LSAMP: variants seen among roughly 807,000 people sequenced by gnomAD.
The protein encoded by LSAMP is limbic system-associated membrane protein.
Under a neutral mutation model 38.6 loss-of-function variants are expected in LSAMP, and 7 were observed. That is an observed-to-expected ratio of 0.18 (90% CI 0.10 to 0.34). The LOEUF is 0.34. Ranked by LOEUF, LSAMP falls within the 10% of genes least tolerant of loss-of-function variation. LSAMP has a pLI of 1.00. For synonymous variants in LSAMP, 154 were observed against 166.8 expected (o/e 0.92, Z 0.59); for missense variants, 313 against 420.0 (o/e 0.75, Z 2.23).
intron 3 of LSAMP, among the ~76,000 whole-genome samples, chr3:116,012,280 T>C (rs1415722799): frequency 6.6e-6 from 1 of 152,234 alleles, no homozygotes; most frequent in Non-Finnish European, 1.5e-5. Context: ...ATTTGTTTGC[T>C]TGTTTATTTT....
chr3:116,329,132 T>A (rs188213861), intron 1 of LSAMP, among the ~76,000 whole-genome samples: 1 of 152,286 alleles, frequency 6.6e-6, no homozygotes, highest in East Asian at 1.9e-4. Flanking sequence ...ATTTAATAGA[T>A]AAATAATAAA....
chr3:115,848,813 T>C (rs938560805), intron 4 of LSAMP, among the ~76,000 whole-genome samples: 2 of 152,128 alleles, frequency 1.3e-5, no homozygotes, highest in Non-Finnish European at 2.9e-5. Flanking sequence ...TGTCAGCTGT[T>C]CAATGGGGCG....
intron 1 of LSAMP, among the ~76,000 whole-genome samples, chr3:116,442,576 G>A (rs1042930080): frequency 3.9e-5 from 6 of 152,274 alleles, no homozygotes; most frequent in Middle Eastern, 3.4e-3. Flanking sequence ...GGTCAGCTAA[G>A]AAGACAAAGG....
chr3:116,056,360 CA>C (rs1160306826), intron 2 of LSAMP, among the ~76,000 whole-genome samples: 11 of 152,096 alleles, frequency 7.2e-5, no homozygotes, highest in African/African-American at 2.7e-4. Flanking sequence ...CTTCTGTGAT[CA>C]AATATAAATG....
At chr3:116,255,077 T>C (rs2046732364) in intron 1 of LSAMP, among the ~76,000 whole-genome samples, 1 of 152,288 alleles carries the variant, frequency 6.6e-6, no homozygotes, top group Non-Finnish European at 1.5e-5. Flanking sequence ...TCTCTACATT[T>C]CCATCTCATT....
intron 1 of LSAMP, among the ~76,000 whole-genome samples, chr3:116,137,049 C>G (rs1282074391): frequency 6.6e-6 from 1 of 152,094 alleles, no homozygotes; most frequent in Non-Finnish European, 1.5e-5. Flanking sequence ...TTTCTGGCTT[C>G]CGATAGCAGC....
intron 2 of LSAMP, among the ~76,000 whole-genome samples, chr3:116,043,562 C>T (rs945722667): frequency 4.9e-4 from 74 of 152,194 alleles, no homozygotes; most frequent in African/African-American, 1.6e-3. Context: ...ACTAGGGACA[C>T]CACTAAGTTA....
At chr3:116,213,580 C>A (rs968813523) in intron 1 of LSAMP, among the ~76,000 whole-genome samples, 1 of 152,134 alleles carries the variant, frequency 6.6e-6, no homozygotes, top group African/African-American at 2.4e-5. Context: ...GTGATATTTG[C>A]ATTTTCAAGT....
intron 2 of LSAMP, among the ~76,000 whole-genome samples, chr3:116,066,004 G>A (rs1707419014): frequency 1.3e-5 from 2 of 152,202 alleles, no homozygotes; most frequent in African/African-American, 4.8e-5. Flanking sequence ...ATACAGTAGT[G>A]TCTTTATGCA....
At chr3:115,870,737 T>C (rs1936008869) in intron 3 of LSAMP, among the ~76,000 whole-genome samples, 1 of 152,182 alleles carries the variant, frequency 6.6e-6, no homozygotes, top group African/African-American at 2.4e-5. Flanking sequence ...CTCCAGCTGC[T>C]GGTATGAACT....
intron 1 of LSAMP, among the ~76,000 whole-genome samples, chr3:116,425,767 G>A (rs962430234): frequency 6.6e-6 from 1 of 151,050 alleles, no homozygotes; most frequent in African/African-American, 2.4e-5. Context: ...TTAATTAGAG[G>A]GGAAAACAAT....
chr3:115,945,721 GA>G (rs201346675), intron 3 of LSAMP, among the ~76,000 whole-genome samples: 39 of 151,026 alleles, frequency 2.6e-4, no homozygotes, highest in Non-Finnish European at 5.2e-4. Flanking sequence ...TTAGCTTTAA[GA>G]AAAAAAAATT....
chr3:116,185,249 A>C (rs1398785840), intron 1 of LSAMP, among the ~76,000 whole-genome samples: 1 of 151,860 alleles, frequency 6.6e-6, no homozygotes, highest in Non-Finnish European at 1.5e-5. Context: ...CCTACTGTAG[A>C]ATGTAGTTAG....
intron 1 of LSAMP, among the ~76,000 whole-genome samples, chr3:116,108,593 G>A (rs1708523437): frequency 6.6e-6 from 1 of 152,324 alleles, no homozygotes; most frequent in African/African-American, 2.4e-5. Flanking sequence ...CAGCCGCTAA[G>A]CCAAGAAGAT....
At position 116,323,993 on chromosome 3, in the gene LSAMP, C is replaced by G. The variant is rs558733379; in HGVS notation, c.155+120884G>C. Among the ~76,000 whole-genome samples the G allele has an allele frequency of 2.6e-5, 4 of 152,210 alleles. No individual in the cohort carries two copies. In the East Asian group the frequency reaches 7.7e-4, roughly 29 times the overall value. ...ATTGTTTCTTTTCACAGAACATTAA[C>G]ATAGTTCAACCAAAAGAAACTATTT... is the stretch of plus-strand genomic sequence containing the variant. On this transcript the variant is annotated intron_variant, in intron 1 of 6. Coordinates refer to ENST00000490035, the MANE Select transcript of LSAMP (RefSeq NM_002338.5).
At chr3:116,063,178 C>G (rs1426402896) in intron 2 of LSAMP, among the ~76,000 whole-genome samples, 1 of 151,964 alleles carries the variant, frequency 6.6e-6, no homozygotes, top group African/African-American at 2.4e-5. Context: ...AATTTGAAGA[C>G]CAAATCTGGA....
intron 1 of LSAMP, among the ~76,000 whole-genome samples, chr3:116,254,752 C>G (rs948745988): frequency 6.6e-6 from 1 of 152,132 alleles, no homozygotes; most frequent in African/African-American, 2.4e-5. Flanking sequence ...GGAAGATGCA[C>G]CAATGGTTGA....
In LSAMP at chr3:116,071,540, T is replaced by G. The variant is rs529078906; in HGVS notation, c.388+14784A>C. On this transcript the variant is annotated intron_variant, in intron 2 of 6. Transcript: ENST00000490035. The stretch of plus-strand genomic sequence containing the variant: ...CATATGATATATTGACCATTGTTGA[T>G]AAAATTGAGGTTACATATTTCACTG... Among the ~76,000 whole-genome samples the G allele has an allele frequency of 2.0e-5, 3 of 152,342 alleles. No individual in the cohort carries two copies. In the South Asian group the frequency reaches 6.2e-4, roughly 32 times the overall value.
intron 3 of LSAMP, among the ~76,000 whole-genome samples, chr3:115,962,639 A>G (rs1393504095): frequency 6.6e-6 from 1 of 152,248 alleles, no homozygotes; most frequent in Non-Finnish European, 1.5e-5. Flanking sequence ...AAATTGCTAC[A>G]TATACATAAG....
Sources: gnomAD v4.1 joint callset for allele counts (sites outside exome capture counted in the v4.1 genomes callset) on GRCh38, gnomAD v4.1.1 for gene constraint, MANE v1.5 for transcripts, NCBI Gene and HGNC (gene_info 2026-07-23, HGNC 2026-07-21) for gene names.